MYO1E: variants seen among roughly 807,000 people sequenced by gnomAD.
The protein encoded by MYO1E is myosin IE.
MYO1E carries 68 observed loss-of-function variants against 151.1 expected under a neutral mutation model. The observed-to-expected ratio is 0.45, with a 90% CI of 0.37 to 0.55. MYO1E has a LOEUF of 0.55. Ranked by LOEUF, MYO1E falls within the 20% of genes least tolerant of loss-of-function variation. MYO1E has a pLI of 0.00. For missense variants in MYO1E, 1,363 were observed against 1,389.3 expected, an observed-to-expected ratio of 0.98 and a Z score of 0.30; for synonymous variants, 601 against 501.7, an observed-to-expected ratio of 1.20 and a Z score of -2.64.
In MYO1E at chr15:59,214,927, C is replaced by T. The variant is rs888189389; in HGVS notation, c.1108-207G>A. Among the ~76,000 whole-genome samples, 11 of 152,218 alleles carry T rather than the reference C, an allele frequency of 7.2e-5. No individual in the cohort carries two copies. In the South Asian group the frequency reaches 8.3e-4, roughly 12 times the overall value. On this transcript the variant is annotated intron_variant, in intron 10 of 27. Coordinates refer to ENST00000288235, the MANE Select transcript of MYO1E (RefSeq NM_004998.4). ...GGAAAACCACCAGGATTCAGAAAAG[C>T]GAGTACAGTAGAAACAAAAAATGTT... is the stretch of plus-strand genomic sequence containing the variant.
intron 9 of MYO1E, among the ~76,000 whole-genome samples, chr15:59,222,188 G>A (rs1175467862): frequency 6.6e-6 from 1 of 152,218 alleles, no homozygotes; most frequent in African/African-American, 2.4e-5. Flanking sequence ...AACCTTATTT[G>A]GAATGGAAAT....
At chr15:59,246,937 G>C (rs533904650) in intron 4 of MYO1E, among the ~76,000 whole-genome samples, 14 of 152,224 alleles carry the variant, frequency 9.2e-5, no homozygotes, top group East Asian at 1.9e-4. Context: ...CATCCTCCTG[G>C]GTATGCAGAG....
chr15:59,338,162 A>G (rs1428784668), intron 1 of MYO1E, among the ~76,000 whole-genome samples: 1 of 102,536 alleles, frequency 9.8e-6, no homozygotes, highest in East Asian at 7.4e-4. Context: ...TTCAAGTCTA[A>G]AAAAAAAAAC....
At position 59,134,084 on chromosome 15, in the gene MYO1E, C is replaced by G. The variant is rs1390535688; in HGVS notation, c.*3296G>C. The stretch of plus-strand genomic sequence containing the variant: ...GACAGCTCTGTGCAGAGACCTCCAG[C>G]CCCCTTGAGTTGAGGCCACATGACT... On this transcript the variant is annotated 3_prime_UTR_variant, in exon 28 of 28. Coordinates refer to ENST00000288235, the MANE Select transcript of MYO1E (RefSeq NM_004998.4). 2.0e-5 allele frequency: 3 copies of G among 152,300 alleles called. No individual in the cohort carries two copies. The highest frequency in any genetic ancestry group is 7.2e-5 in the African/African-American group (3 of 41,446). The allele number at this position is 152,300 out of a possible 1,614,324, so 9.4% of individuals were successfully genotyped here.
intron 1 of MYO1E, among the ~76,000 whole-genome samples, chr15:59,338,282 G>T (rs1187350499): frequency 3.1e-5 from 4 of 129,260 alleles, no homozygotes; most frequent in South Asian, 2.7e-4. Flanking sequence ...GATCAGTATT[G>T]ACTTTTTTTT....
chr15:59,202,466 C>T, intron 15 of MYO1E, 59 bp from the exon 16 acceptor site: 7 of 1,531,420 alleles, frequency 4.6e-6, no homozygotes, highest in Non-Finnish European at 6.3e-6. Context: ...GGCTGAAAGC[C>T]TGCCTTTCTA....
chr15:59,206,415 C>G (rs1341694369), intron 14 of MYO1E, among the ~76,000 whole-genome samples: 3 of 152,186 alleles, frequency 2.0e-5, no homozygotes, highest in Admixed American at 1.3e-4. Context: ...GGACTGGCAC[C>G]AAGGCAGTGG....
chr15:59,140,755 ACT>A, intron 26 of MYO1E, among the ~76,000 whole-genome samples: 2 of 152,152 alleles, frequency 1.3e-5, no homozygotes, highest in Non-Finnish European at 2.9e-5. Flanking sequence ...TGGGGGGAAC[ACT>A]GACTGCCAGC....
chr15:59,287,273 C>T (rs1433222044), intron 1 of MYO1E, among the ~76,000 whole-genome samples: 1 of 152,186 alleles, frequency 6.6e-6, no homozygotes, highest in East Asian at 1.9e-4. Flanking sequence ...ACACCCAAAT[C>T]GCAAGCCCAG....
chr15:59,305,275 C>T (rs150603374), intron 1 of MYO1E, among the ~76,000 whole-genome samples: 4,889 of 152,250 alleles, frequency 0.032, 125 homozygotes, highest in Non-Finnish European at 0.052. Context: ...CTCACTGCAA[C>T]CTCTGCCTCC....
intron 1 of MYO1E, among the ~76,000 whole-genome samples, chr15:59,367,579 T>C (rs1365903540): frequency 1.3e-5 from 2 of 152,190 alleles, no homozygotes; most frequent in African/African-American, 2.4e-5. Context: ...AGAGAATGCA[T>C]AGGCTGAAAA....
In MYO1E at chr15:59,178,443, C is replaced by A; in HGVS notation, c.1999G>T (p.Asp667Tyr). ...HLLQSVNMDS[D>Y]QFQLGRSKVF... ...TTACTCCTCCCCAGCTGGAACTGGT[C>A]GCTGTCCATGTTGACCGACTGCAGC... The change falls in exon 19 of 28, where the codon GAC becomes TAC. Residue 667 changes from aspartate to tyrosine, a missense_variant. Physicochemically the swap from Asp to Tyr is radical, Grantham distance 160. Coordinates refer to ENST00000288235, the MANE Select transcript of MYO1E (RefSeq NM_004998.4). The A allele has an allele frequency of 6.2e-7, 1 of 1,614,214 alleles. No individual in the cohort carries two copies. Among genetic ancestry groups the A allele is most frequent in the South Asian group, 1.1e-5 (1 of 91,078 alleles).
chr15:59,230,635 A>G (rs1322745210), intron 6 of MYO1E, among the ~76,000 whole-genome samples: 1 of 152,224 alleles, frequency 6.6e-6, no homozygotes. Flanking sequence ...ATGAGAGACA[A>G]ACAAATGAGT....
intron 4 of MYO1E, among the ~76,000 whole-genome samples, chr15:59,253,901 C>CTTTTTTTTTTTTTT (rs34819314): frequency 3.2e-4 from 44 of 135,842 alleles, no homozygotes; most frequent in Non-Finnish European, 5.9e-4. Flanking sequence ...GACAAACAAC[C>CTTTTTTTTTTTTTT]TTTTTTTTTT....
intron 1 of MYO1E, among the ~76,000 whole-genome samples, chr15:59,302,868 A>C (rs1157180310): frequency 6.6e-6 from 1 of 152,244 alleles, no homozygotes. Flanking sequence ...TTGGAAGTTA[A>C]GGACTGGTAA....
intron 13 of MYO1E, among the ~76,000 whole-genome samples, chr15:59,209,206 C>T (rs2079860900): frequency 6.6e-6 from 1 of 152,216 alleles, no homozygotes. Context: ...TGTTCTCTTT[C>T]AGCGTGTTAC....
intron 3 of MYO1E, among the ~76,000 whole-genome samples, chr15:59,257,622 A>G (rs7171642): frequency 0.98 from 148,836 of 152,230 alleles, 72,842 homozygotes; most frequent in East Asian, 1. Flanking sequence ...GCTCACTGCC[A>G]TGCTCTGGAA....
chr15:59,141,983 T>C (rs1279407169), intron 26 of MYO1E, among the ~76,000 whole-genome samples: 1 of 151,288 alleles, frequency 6.6e-6, no homozygotes. Context: ...GGCGGGCGCT[T>C]GTAGTCCCAG....
intron 4 of MYO1E, among the ~76,000 whole-genome samples, chr15:59,239,339 T>G (rs2080086329): frequency 6.6e-6 from 1 of 151,580 alleles, no homozygotes; most frequent in Admixed American, 6.6e-5. Flanking sequence ...ATTACATTAT[T>G]ATTATTCAAC....
Sources: gnomAD v4.1 joint callset for allele counts (sites outside exome capture counted in the v4.1 genomes callset) on GRCh38, gnomAD v4.1.1 for gene constraint, MANE v1.5 for transcripts, NCBI Gene and HGNC (gene_info 2026-07-23, HGNC 2026-07-21) for gene names.